Variants in GNG2 observed in about 807,000 individuals in gnomAD.
GNG2 encodes the protein G protein subunit gamma 2, also known as guanine nucleotide-binding protein G(I)/G(S)/G(O) subunit gamma-2.
A neutral mutation model predicts 5.5 loss-of-function variants in GNG2; 5 were observed. The ratio of observed to expected loss-of-function variants is 0.91; its 90% CI spans 0.48 to 1.92. GNG2 has a LOEUF of 1.92. Ranked by LOEUF, GNG2 falls within the 30% of genes most tolerant of loss-of-function variation. The probability of loss-of-function intolerance (pLI) is 0.01; values close to 1 mark genes in which losing one functional copy is unlikely to be tolerated. For missense variants in GNG2, 55 were observed against 88.4 expected, an observed-to-expected ratio of 0.62 and a Z score of 1.52; for synonymous variants, 28 against 32.0, an observed-to-expected ratio of 0.88 and a Z score of 0.42.
At chr14:51,874,533 C>G (rs959503863) in intron 1 of GNG2, among the ~76,000 whole-genome samples, 6 of 151,428 alleles carry the variant, frequency 4.0e-5, no homozygotes, top group Non-Finnish European at 7.4e-5. Flanking sequence ...GAGTTTGAGA[C>G]CAGCTTGGGC....
chr14:51,966,583 A>C lies in GNG2; in HGVS notation c.112A>C (p.Met38Leu). ...IKVSKAAADL[M>L]AYCEAHAKED... Reference sequence around the variant, plus strand: ...GGTGTCCAAGGCAGCTGCAGATTTGATGGCCTACTGTGAAGCACATGCCAA... The same window carrying C: ...GGTGTCCAAGGCAGCTGCAGATTTGCTGGCCTACTGTGAAGCACATGCCAA... The change falls in exon 4 of 4, where the codon ATG (methionine) becomes CTG (leucine). Residue 38 changes from methionine to leucine, a missense_variant. Transcript: ENST00000556766. The C allele has an allele frequency of 6.2e-7, 1 of 1,613,780 alleles. No individual in the cohort carries two copies. Among genetic ancestry groups the C allele is most frequent in the Non-Finnish European group, 8.5e-7 (1 of 1,179,740 alleles).
At chr14:51,859,798 C>A (rs1882339462), upstream of GNG2, among the ~76,000 whole-genome samples, 1 of 152,180 alleles carries the variant, frequency 6.6e-6, no homozygotes, top group South Asian at 2.1e-4. Context: ...GAGGGTCCTT[C>A]AGCCCTACTA....
intron 2 of GNG2, among the ~76,000 whole-genome samples, chr14:51,949,487 A>G (rs1888848814): frequency 6.6e-6 from 1 of 152,202 alleles, no homozygotes; most frequent in Non-Finnish European, 1.5e-5. Flanking sequence ...ACCTGATCTT[A>G]CTTCATCCTT....
chr14:51,871,155 C>A (rs971303747), intron 1 of GNG2, among the ~76,000 whole-genome samples: 1 of 151,928 alleles, frequency 6.6e-6, no homozygotes, highest in African/African-American at 2.4e-5. Flanking sequence ...TGGTCCTTTG[C>A]CGTTTTTTTA....
chr14:51,939,969 C>T (rs544297663), intron 2 of GNG2: 1 of 152,324 alleles, frequency 6.6e-6, no homozygotes, highest in East Asian at 1.9e-4. Context: ...TTTCCTTCAA[C>T]AAGGGATGCA....
rs1262496476 is a variant in GNG2, at chr14:51,917,558, A to T, written c.-29-33092A>T. The T allele has an allele frequency of 1.6e-5, 6 of 374,560 alleles. No homozygotes were observed. In the East Asian group the frequency reaches 4.4e-4, roughly 28 times the overall value. 23.2% of individuals were successfully genotyped at this position (374,560 alleles called of 1,614,324 possible). The stretch of plus-strand genomic sequence containing the variant: ...ATAGCATAAATCTTGCACACACTGA[A>T]TTACCTCTGATTAAAGGTATTTAGG... On this transcript the variant is annotated intron_variant, in intron 2 of 3. Coordinates refer to ENST00000556766, the MANE Select transcript of GNG2 (RefSeq NM_053064.5).
chr14:51,886,513 C>G (rs1021734931), intron 2 of GNG2, among the ~76,000 whole-genome samples: 1 of 152,134 alleles, frequency 6.6e-6, no homozygotes, highest in Non-Finnish European at 1.5e-5. Flanking sequence ...AATTGGCATC[C>G]TCAAACTGGT....
intron 2 of GNG2, among the ~76,000 whole-genome samples, chr14:51,843,126 T>C (rs924478679): frequency 4.6e-5 from 7 of 152,342 alleles, no homozygotes; most frequent in Admixed American, 4.6e-4. Flanking sequence ...CAGGTGTTTT[T>C]AATCAATGCT....
At chr14:51,952,220 T>C in intron 3 of GNG2, 2 of 286,018 alleles carry the variant, frequency 7.0e-6, no homozygotes, top group Non-Finnish European at 1.3e-5. Flanking sequence ...TTATCCTAAA[T>C]CTCCTTTGTA....
intron 2 of GNG2, among the ~76,000 whole-genome samples, chr14:51,838,349 C>G (rs1200565252): frequency 6.6e-6 from 1 of 151,882 alleles, no homozygotes. Flanking sequence ...GAGGCTGAGG[C>G]AGGAGAATCG....
chr14:51,878,288 C>G (rs1883810238), intron 2 of GNG2, among the ~76,000 whole-genome samples: 1 of 152,142 alleles, frequency 6.6e-6, no homozygotes, highest in South Asian at 2.1e-4. Flanking sequence ...GATTCCCCTC[C>G]CCCACCATTT....
At chr14:51,864,003 T>G (rs1882700015) in intron 1 of GNG2, among the ~76,000 whole-genome samples, 1 of 152,220 alleles carries the variant, frequency 6.6e-6, no homozygotes, top group Admixed American at 6.5e-5. Context: ...TTAGAGTCCC[T>G]GCTTTTACTT....
chr14:51,866,925 C>A (rs1178985109), intron 1 of GNG2, among the ~76,000 whole-genome samples: 1 of 152,226 alleles, frequency 6.6e-6, no homozygotes, highest in Non-Finnish European at 1.5e-5. Context: ...CAAGAATAAA[C>A]CCTCTACTTG....
upstream of GNG2, among the ~76,000 whole-genome samples, chr14:51,858,025 G>A (rs1184132880): frequency 6.6e-6 from 1 of 152,130 alleles, no homozygotes; most frequent in Non-Finnish European, 1.5e-5. Context: ...CTGCAAATAG[G>A]CCATGCATGA....
At chr14:51,921,116 A>T (rs1341906675) in intron 2 of GNG2, among the ~76,000 whole-genome samples, 1 of 152,182 alleles carries the variant, frequency 6.6e-6, no homozygotes, top group Non-Finnish European at 1.5e-5. Flanking sequence ...TGTATAGTGA[A>T]AAAAGGTACA....
At chr14:51,846,457 T>C (rs997152199) in intron 2 of GNG2, among the ~76,000 whole-genome samples, 1 of 152,230 alleles carries the variant, frequency 6.6e-6, no homozygotes, top group Non-Finnish European at 1.5e-5. Context: ...TTCTCTGAAG[T>C]TGTTGGATAG....
intron 2 of GNG2, among the ~76,000 whole-genome samples, chr14:51,852,192 A>G (rs924478212): frequency 1.3e-5 from 2 of 152,182 alleles, no homozygotes; most frequent in Non-Finnish European, 2.9e-5. Flanking sequence ...CATAAACAAT[A>G]ATGTATAATG....
intron 2 of GNG2, among the ~76,000 whole-genome samples, chr14:51,887,735 T>G (rs984637562): frequency 1.3e-5 from 2 of 152,184 alleles, no homozygotes; most frequent in Non-Finnish European, 2.9e-5. Flanking sequence ...GGCAAATTAC[T>G]GAACTTTCTC....
At chr14:51,905,832 C>T (rs556961433) in intron 2 of GNG2, among the ~76,000 whole-genome samples, 4 of 152,310 alleles carry the variant, frequency 2.6e-5, no homozygotes, top group East Asian at 3.9e-4. Flanking sequence ...TTATAAGGGG[C>T]TTTCCCCAAT....
Sources: gnomAD v4.1 joint callset for allele counts (sites outside exome capture counted in the v4.1 genomes callset) on GRCh38, gnomAD v4.1.1 for gene constraint, MANE v1.5 for transcripts, NCBI Gene and HGNC (gene_info 2026-07-23, HGNC 2026-07-21) for gene names.